The following CD1B variants were observed in gnomAD, a reference collection of about 807,000 sequenced individuals.
The protein encoded by CD1B is T-cell surface glycoprotein CD1b.
Under a neutral mutation model 39.8 loss-of-function variants are expected in CD1B, and 43 were observed. The observed-to-expected ratio is 1.08, with a 90% CI of 0.85 to 1.39. The LOEUF (loss-of-function observed/expected upper bound fraction) is 1.39, where lower values mean the gene tolerates loss of function less well. Among genes scored for constraint, CD1B ranks in the 40% most tolerant of loss-of-function variants. CD1B has a pLI of 0.00. For missense variants in CD1B, 495 were observed against 403.8 expected, an observed-to-expected ratio of 1.23 and a Z score of -1.94; for synonymous variants, 192 against 152.5, an observed-to-expected ratio of 1.26 and a Z score of -1.91.
the CD1B span, among the ~76,000 whole-genome samples, chr1:158,297,363 T>G: frequency 3.3e-5 from 5 of 152,072 alleles, no homozygotes; most frequent in Non-Finnish European, 5.9e-5. Context: ...AAGATTTATA[T>G]GTTAAAGAGA....
chr1:158,293,193 A>G, the CD1B span: 6 of 1,581,644 alleles, frequency 3.8e-6, no homozygotes, highest in Non-Finnish European at 5.2e-6. Context: ...GCATCCATGT[A>G]TCTTTCCAAT....
downstream of CD1B, among the ~76,000 whole-genome samples, chr1:158,325,618 ATCTG>A (rs1218706149): frequency 6.6e-6 from 1 of 151,574 alleles, no homozygotes; most frequent in Non-Finnish European, 1.5e-5. Context: ...ATATCTAGCT[ATCTG>A]TCTGGACATA....
chr1:158,291,052 T>A, the CD1B span: 1 of 1,412,386 alleles, frequency 7.1e-7, no homozygotes, highest in Admixed American at 2.3e-5. Flanking sequence ...TGGTAACTGG[T>A]TCACCTTCCA....
chr1:158,324,532 T>A (rs116695504), downstream of CD1B, among the ~76,000 whole-genome samples: 239 of 152,350 alleles, frequency 1.6e-3, no homozygotes, highest in Middle Eastern at 0.01. Context: ...AAACCAAGAT[T>A]TTCCGTGTGG....
chr1:158,331,356 C>A lies in CD1B; in HGVS notation c.61+7G>T. On this transcript the variant is annotated splice_region_variant and intron_variant, in intron 1 of 5. Transcript: ENST00000368168. ...CCAGTGCTGGGAGCTGCCAGAGTGA[C>A]TCTTACCATGTTCACTGTTACCACC... is the stretch of plus-strand genomic sequence containing the variant. The A allele has an allele frequency of 6.2e-7, 1 of 1,612,876 alleles. No homozygotes were observed. The highest frequency in any genetic ancestry group is 8.5e-7 in the Non-Finnish European group (1 of 1,178,910).
At chr1:158,330,609 C>A in intron 2 of CD1B, 187 bp downstream of exon 2, 1 of 732,442 alleles carries the variant, frequency 1.4e-6, no homozygotes, top group Non-Finnish European at 2.5e-6. Flanking sequence ...AGTGCAGAGG[C>A]AGCAAGAATC....
chr1:158,290,165 G>A, the CD1B span: 1 of 1,583,060 alleles, frequency 6.3e-7, no homozygotes, highest in Non-Finnish European at 8.7e-7. Flanking sequence ...ACATGTATCT[G>A]GGTAGAGTGT....
At chr1:158,285,841 G>A in the CD1B span, among the ~76,000 whole-genome samples, 1 of 152,088 alleles carries the variant, frequency 6.6e-6, no homozygotes, top group Non-Finnish European at 1.5e-5. Flanking sequence ...GAAAGAAGGA[G>A]TGAATCACTT....
the CD1B span, among the ~76,000 whole-genome samples, chr1:158,295,931 G>A: frequency 6.6e-6 from 1 of 151,840 alleles, no homozygotes; most frequent in African/African-American, 2.4e-5. Context: ...CCACTTCTGT[G>A]CACATATGCA....
chr1:158,320,916 G>A, the CD1B span, among the ~76,000 whole-genome samples: 2 of 151,958 alleles, frequency 1.3e-5, no homozygotes, highest in Non-Finnish European at 1.5e-5. Flanking sequence ...GACTTTTATT[G>A]CAGCTTAACA....
rs768215856 is a variant in CD1B, at chr1:158,331,085, A to G, written c.62-23T>C. ...AGGCTGTGAAGAGTGGAAAAGCAAGATGGTGAAGATAAAGAGAGAAGCAGG... is the reference window on the plus strand; with the variant it reads ...AGGCTGTGAAGAGTGGAAAAGCAAGGTGGTGAAGATAAAGAGAGAAGCAGG... On this transcript the variant is annotated intron_variant, in intron 1 of 5. Coordinates refer to ENST00000368168, the MANE Select transcript of CD1B (RefSeq NM_001764.3). The G allele has an allele frequency of 2.9e-5, 46 of 1,578,138 alleles. 1 individual carries two copies. The South Asian group carries it at 5.3e-4, about 18-fold the overall frequency.
chr1:158,322,469 G>T, the CD1B span, among the ~76,000 whole-genome samples: 1 of 110,652 alleles, frequency 9.0e-6, no homozygotes, highest in African/African-American at 3.7e-5. Flanking sequence ...GTTTTGCCAT[G>T]TTGCCCAGGC....
the CD1B span, among the ~76,000 whole-genome samples, chr1:158,319,714 G>A: frequency 4.5e-3 from 693 of 152,332 alleles, 7 homozygotes; most frequent in African/African-American, 0.016. Flanking sequence ...GAGGAACTGC[G>A]TTCCTTTGGA....
chr1:158,307,291 T>A, the CD1B span, among the ~76,000 whole-genome samples: 1 of 152,048 alleles, frequency 6.6e-6, no homozygotes, highest in Admixed American at 6.6e-5. Context: ...CATCAGAGAA[T>A]AATACTATAA....
the CD1B span, among the ~76,000 whole-genome samples, chr1:158,301,774 C>T: frequency 1.3e-5 from 2 of 152,034 alleles, no homozygotes; most frequent in African/African-American, 4.8e-5. Context: ...TGGGGTTGCT[C>T]TTCTCATGGA....
downstream of CD1B, among the ~76,000 whole-genome samples, chr1:158,325,083 C>T (rs1164762730): frequency 2.6e-5 from 4 of 151,878 alleles, no homozygotes; most frequent in Non-Finnish European, 5.9e-5. Flanking sequence ...TATCTTATTA[C>T]CTTGATTCCA....
chr1:158,296,760 G>A, the CD1B span, among the ~76,000 whole-genome samples: 1 of 152,154 alleles, frequency 6.6e-6, no homozygotes, highest in African/African-American at 2.4e-5. Flanking sequence ...GAACTAAGCT[G>A]ATTTGACAGA....
At chr1:158,286,099 G>C in the CD1B span, among the ~76,000 whole-genome samples, 1 of 152,080 alleles carries the variant, frequency 6.6e-6, no homozygotes, top group African/African-American at 2.4e-5. Context: ...CCAGGCGAAG[G>C]CAAACACAAC....
chr1:158,316,640 A>T, the CD1B span, among the ~76,000 whole-genome samples: 3 of 150,692 alleles, frequency 2.0e-5, no homozygotes, highest in Admixed American at 1.3e-4. Context: ...CTAATTGAAT[A>T]CCCTTTATTT....
Sources: allele counts gnomAD v4.1 joint callset (sites outside exome capture counted in the v4.1 genomes callset), GRCh38; gene constraint gnomAD v4.1.1; transcripts MANE v1.5; gene names NCBI Gene and HGNC (gene_info 2026-07-23, HGNC 2026-07-21).